CTNNA3: variants seen among roughly 807,000 people sequenced by gnomAD.
CTNNA3 encodes catenin alpha 3, also known as catenin alpha-3.
In CTNNA3, 76 loss-of-function variants were observed where a neutral mutation model predicts 95.7. That is an observed-to-expected ratio of 0.79 (90% CI 0.66 to 0.96). CTNNA3 has a LOEUF of 0.96. Ranked by LOEUF, CTNNA3 falls within the 40% of genes least tolerant of loss-of-function variation. The probability of loss-of-function intolerance (pLI) is 0.00; values close to 1 mark genes in which losing one functional copy is unlikely to be tolerated. For synonymous variants in CTNNA3, 431 were observed against 374.4 expected (o/e 1.15, Z -1.74); for missense variants, 1,191 against 1,089.8 (o/e 1.09, Z -1.31).
chr10:66,545,489 T>G (rs1365368461), intron 10 of CTNNA3, among the ~76,000 whole-genome samples: 1 of 152,112 alleles, frequency 6.6e-6, no homozygotes, highest in Non-Finnish European at 1.5e-5. Flanking sequence ...GAAATTACAA[T>G]TAATGCTGCT....
intron 7 of CTNNA3, among the ~76,000 whole-genome samples, chr10:66,864,112 A>T (rs567957899): frequency 1.3e-5 from 2 of 152,228 alleles, no homozygotes; most frequent in South Asian, 4.1e-4. Context: ...GATTATATAG[A>T]TCTAATAGGC....
Position 67,200,067 on chromosome 10 carries a change from C to G in CTNNA3, c.843+19540G>C, listed in dbSNP as rs546761631. ...AGGCCAAAATCTCTGAGAAGGAGTGCTTTATCTAGAGAGACAAGCAGGGGC... is the reference window on the plus strand; with the variant it reads ...AGGCCAAAATCTCTGAGAAGGAGTGGTTTATCTAGAGAGACAAGCAGGGGC... On this transcript the variant is annotated intron_variant, in intron 6 of 17. Coordinates refer to ENST00000433211, the MANE Select transcript of CTNNA3 (RefSeq NM_013266.4). Among the ~76,000 whole-genome samples the G allele has an allele frequency of 1.6e-4, 25 of 152,144 alleles. No homozygotes were observed. In the East Asian group the frequency reaches 4.7e-3, roughly 28 times the overall value.
At chr10:66,118,936 G>A (rs1369352025) in intron 13 of CTNNA3, among the ~76,000 whole-genome samples, 2 of 151,750 alleles carry the variant, frequency 1.3e-5, no homozygotes, top group Non-Finnish European at 2.9e-5. Context: ...AGAGAGACAG[G>A]GTCTCCCTAT....
intron 1 of CTNNA3, chr10:67,751,151 C>G (rs1184517937): frequency 6.2e-6 from 8 of 1,299,748 alleles, no homozygotes; most frequent in Non-Finnish European, 8.9e-6. Context: ...CAACCACACT[C>G]AGCTTCAACA....
At chr10:67,712,423 C>A (rs1003481736) in intron 1 of CTNNA3, among the ~76,000 whole-genome samples, 2 of 152,230 alleles carry the variant, frequency 1.3e-5, no homozygotes, top group Non-Finnish European at 2.9e-5. Flanking sequence ...CAGCCCCTCC[C>A]ATCACAGGCC....
chr10:67,562,587 G>A (rs1167839705), intron 3 of CTNNA3, among the ~76,000 whole-genome samples: 1 of 152,162 alleles, frequency 6.6e-6, no homozygotes, highest in Non-Finnish European at 1.5e-5. Flanking sequence ...ACAAGACAGG[G>A]ATGCCCTCTC....
chr10:66,220,100 G>A (rs551733158), intron 13 of CTNNA3, among the ~76,000 whole-genome samples: 2 of 152,216 alleles, frequency 1.3e-5, no homozygotes, highest in East Asian at 3.9e-4. Flanking sequence ...TCCAGCCTGG[G>A]CAACAGAGTG....
intron 5 of CTNNA3, among the ~76,000 whole-genome samples, chr10:67,448,740 GA>G (rs908130460): frequency 6.6e-6 from 1 of 150,676 alleles, no homozygotes; most frequent in Non-Finnish European, 1.5e-5. Context: ...AATTCTTAAA[GA>G]TTCCATCTTT....
chr10:66,215,610 T>C (rs187538789), intron 13 of CTNNA3, among the ~76,000 whole-genome samples: 159 of 152,304 alleles, frequency 1.0e-3, no homozygotes, highest in African/African-American at 3.6e-3. Context: ...TAGTAACTGT[T>C]AATACACAAA....
intron 13 of CTNNA3, among the ~76,000 whole-genome samples, chr10:66,162,900 G>A (rs965448302): frequency 2.0e-5 from 3 of 151,382 alleles, no homozygotes; most frequent in Admixed American, 1.3e-4. Context: ...GCTGTGGGGG[G>A]TGGGGGTAAG....
chr10:66,602,741 T>C (rs1469031358), intron 10 of CTNNA3, among the ~76,000 whole-genome samples: 2 of 152,026 alleles, frequency 1.3e-5, no homozygotes, highest in African/African-American at 4.8e-5. Flanking sequence ...AAAAAGATCA[T>C]TCACCATGAC....
chr10:67,648,440 C>T (rs1839783847), intron 1 of CTNNA3, among the ~76,000 whole-genome samples: 1 of 152,154 alleles, frequency 6.6e-6, no homozygotes, highest in African/African-American at 2.4e-5. Context: ...CTAGATAGTT[C>T]TCTTTCTCTT....
chr10:66,291,937 T>C (rs901200252), intron 12 of CTNNA3, among the ~76,000 whole-genome samples: 1 of 151,146 alleles, frequency 6.6e-6, no homozygotes, highest in Non-Finnish European at 1.5e-5. Flanking sequence ...ATATGTATTA[T>C]AATATATCTC....
chr10:67,537,628 A>T (rs1167530253), intron 4 of CTNNA3, among the ~76,000 whole-genome samples: 1 of 152,054 alleles, frequency 6.6e-6, no homozygotes, highest in Non-Finnish European at 1.5e-5. Context: ...GTTACCTCCT[A>T]ATTGGTTATG....
At chr10:66,148,003 G>T (rs1289438464) in intron 13 of CTNNA3, among the ~76,000 whole-genome samples, 1 of 150,340 alleles carries the variant, frequency 6.7e-6, no homozygotes, top group African/African-American at 2.4e-5. Flanking sequence ...CTTCTGAAGG[G>T]TGATACAAGG....
chr10:66,493,289 G>T (rs2131941582), intron 11 of CTNNA3, among the ~76,000 whole-genome samples: 1 of 152,242 alleles, frequency 6.6e-6, no homozygotes, highest in Admixed American at 6.5e-5. Flanking sequence ...TATAATGTCA[G>T]TTGCATTTCT....
chr10:67,161,531 T>C (rs1322137680), intron 7 of CTNNA3, among the ~76,000 whole-genome samples: 2 of 151,828 alleles, frequency 1.3e-5, no homozygotes, highest in Non-Finnish European at 2.9e-5. Context: ...TATATAAAGA[T>C]ATATACTCAA....
intron 7 of CTNNA3, among the ~76,000 whole-genome samples, chr10:67,076,289 G>C (rs1323014382): frequency 6.6e-6 from 1 of 152,184 alleles, no homozygotes; most frequent in Non-Finnish European, 1.5e-5. Flanking sequence ...AGGCTAAAAT[G>C]AACTTCAGAG....
chr10:66,446,104 C>A (rs2093418734), intron 11 of CTNNA3, among the ~76,000 whole-genome samples: 1 of 152,164 alleles, frequency 6.6e-6, no homozygotes, highest in Non-Finnish European at 1.5e-5. Flanking sequence ...GACACATACA[C>A]CCTCCCAAGA....
Sources: gnomAD v4.1 joint callset for allele counts (sites outside exome capture counted in the v4.1 genomes callset) on GRCh38, gnomAD v4.1.1 for gene constraint, MANE v1.5 for transcripts, NCBI Gene and HGNC (gene_info 2026-07-23, HGNC 2026-07-21) for gene names.